Variants in SGCZ observed in about 807,000 individuals in gnomAD.
The protein encoded by SGCZ is zeta-sarcoglycan.
Under a neutral mutation model 41.3 loss-of-function variants are expected in SGCZ, and 40 were observed. The observed-to-expected ratio is 0.97, with a 90% CI of 0.75 to 1.26. The LOEUF is 1.26. Ranked by LOEUF, SGCZ falls within the 50% of genes most tolerant of loss-of-function variation. SGCZ has a pLI of 0.00. For synonymous variants in SGCZ, 206 were observed against 137.5 expected, an observed-to-expected ratio of 1.50 and a Z score of -3.49; for missense variants, 552 against 369.8, an observed-to-expected ratio of 1.49 and a Z score of -4.04.
chr8:14,996,735 A>T (rs1034685697), intron 1 of SGCZ, among the ~76,000 whole-genome samples: 3 of 152,194 alleles, frequency 2.0e-5, no homozygotes, highest in Non-Finnish European at 2.9e-5. Context: ...TCTCCTTCCA[A>T]GGTCTTGGTT....
intron 1 of SGCZ, among the ~76,000 whole-genome samples, chr8:14,812,897 C>T (rs2130542628): frequency 6.6e-6 from 1 of 152,276 alleles, no homozygotes; most frequent in East Asian, 1.9e-4. Context: ...TGAGAAAACT[C>T]TTCCTTTGAG....
At chr8:14,114,849 G>C (rs1239451972) in intron 5 of SGCZ, among the ~76,000 whole-genome samples, 1 of 151,734 alleles carries the variant, frequency 6.6e-6, no homozygotes, top group Non-Finnish European at 1.5e-5. Flanking sequence ...AGTTTTAGGA[G>C]GAAAAGCTCT....
chr8:14,908,780 G>T (rs1322765113), intron 1 of SGCZ, among the ~76,000 whole-genome samples: 1 of 147,406 alleles, frequency 6.8e-6, no homozygotes, highest in Non-Finnish European at 1.5e-5. Context: ...GAGATTCAGA[G>T]AACCTAATTC....
intron 2 of SGCZ, among the ~76,000 whole-genome samples, chr8:14,395,298 G>T (rs978618570): frequency 1.3e-5 from 2 of 152,050 alleles, no homozygotes; most frequent in African/African-American, 4.8e-5. Flanking sequence ...TACTATTGTG[G>T]TAATAAAGAA....
chr8:14,360,444 G>T lies in SGCZ; in HGVS notation c.235-36240C>A, dbSNP rs562018189. On this transcript the variant is annotated intron_variant, in intron 2 of 7. Coordinates refer to ENST00000382080, the MANE Select transcript of SGCZ (RefSeq NM_139167.4). ...AGGTTCAACTGATTCTCCTGCCTCA[G>T]CCTCCTGAGCAGCTGGGATTACAGG... 2.0e-5 allele frequency among the ~76,000 whole-genome samples: 3 copies of T among 151,774 alleles called. No homozygotes were observed. In the East Asian group the frequency reaches 5.8e-4, roughly 29 times the overall value.
chr8:14,396,752 G>C (rs1372935743), intron 2 of SGCZ, among the ~76,000 whole-genome samples: 2 of 151,950 alleles, frequency 1.3e-5, no homozygotes, highest in African/African-American at 4.8e-5. Context: ...CAGATGAATA[G>C]AGTTACGAGA....
In SGCZ at chr8:14,164,898, T is replaced by C. The variant is rs538906069; in HGVS notation, c.425-196A>G. 7.1e-5 allele frequency: 45 copies of C among 635,264 alleles called. 1 individual carries two copies. In the South Asian group the frequency reaches 8.8e-4, roughly 12 times the overall value. The allele number at this position is 635,264 out of a possible 1,614,324, so 39.4% of individuals were successfully genotyped here. On this transcript the variant is annotated intron_variant, in intron 4 of 7. Transcript: ENST00000382080. The stretch of plus-strand genomic sequence containing the variant: ...TTGGGAATGTACTTCTGTGCTAGGC[T>C]GGTTAGGCATACAGGTGACCTCTGG...
rs573659145 is a variant in SGCZ at position 14,295,781 on chromosome 8, T to G, written c.336+28322A>C. Among the ~76,000 whole-genome samples, 22 of 152,168 alleles carry G rather than the reference T, an allele frequency of 1.4e-4. No individual in the cohort carries two copies. The East Asian group carries it at 2.9e-3, about 20-fold the overall frequency. On this transcript the variant is annotated intron_variant, in intron 3 of 7. Transcript: ENST00000382080. ...GCCAAACACAGAGCAACCAATAGAT[T>G]GAATGAAAGAGAATTTGGTGTTGCT... is the stretch of plus-strand genomic sequence containing the variant.
chr8:14,369,056 T>TGTGTGTG (rs1585414825), intron 2 of SGCZ, among the ~76,000 whole-genome samples: 3 of 151,432 alleles, frequency 2.0e-5, no homozygotes, highest in Non-Finnish European at 3.0e-5. Context: ...TGTGTGTGTA[T>TGTGTGTG]TACATTTACC....
chr8:14,872,452 G>C (rs1585336925), intron 1 of SGCZ, among the ~76,000 whole-genome samples: 1 of 151,858 alleles, frequency 6.6e-6, no homozygotes, highest in East Asian at 1.9e-4. Flanking sequence ...AAAGTGTTTA[G>C]ACTCTTCTGA....
intron 4 of SGCZ, among the ~76,000 whole-genome samples, chr8:14,235,913 G>T (rs902247183): frequency 3.9e-5 from 6 of 152,232 alleles, no homozygotes; most frequent in East Asian, 3.9e-4. Context: ...TCGATTTCTT[G>T]ACCTCATGAT....
chr8:14,467,368 G>A (rs1171436643), intron 2 of SGCZ, among the ~76,000 whole-genome samples: 2 of 151,950 alleles, frequency 1.3e-5, no homozygotes, highest in African/African-American at 2.4e-5. Context: ...CAAAAACAAT[G>A]GCCATTGTCT....
At chr8:14,551,026 G>C (rs1449930397) in intron 2 of SGCZ, among the ~76,000 whole-genome samples, 1 of 151,598 alleles carries the variant, frequency 6.6e-6, no homozygotes, top group Non-Finnish European at 1.5e-5. Context: ...TTATTACCCA[G>C]GTCTGGGTAT....
At chr8:14,605,172 T>C (rs1020865648) in intron 1 of SGCZ, among the ~76,000 whole-genome samples, 1 of 152,146 alleles carries the variant, frequency 6.6e-6, no homozygotes, top group African/African-American at 2.4e-5. Flanking sequence ...CCTTGAAACG[T>C]AAAATTCAAA....
chr8:15,210,091 T>C (rs1311108983), intron 1 of SGCZ, among the ~76,000 whole-genome samples: 5 of 152,176 alleles, frequency 3.3e-5, no homozygotes, highest in African/African-American at 1.2e-4. Context: ...ATTTTATGAT[T>C]CTAAGAGGAC....
At chr8:14,440,852 TACACACAC>T (rs761003537) in intron 2 of SGCZ, among the ~76,000 whole-genome samples, 6 of 130,370 alleles carry the variant, frequency 4.6e-5, no homozygotes, top group African/African-American at 8.8e-5. Flanking sequence ...TACATATATG[TACACACAC>T]ACACACACAC....
intron 2 of SGCZ, among the ~76,000 whole-genome samples, chr8:14,332,924 C>CAT (rs34214171): frequency 0.2 from 30,007 of 148,632 alleles, 3,765 homozygotes; most frequent in Non-Finnish European, 0.29. Context: ...CATATATATA[C>CAT]ATATATATAC....
intron 1 of SGCZ, among the ~76,000 whole-genome samples, chr8:14,755,184 C>A (rs554010256): frequency 6.6e-6 from 1 of 151,764 alleles, no homozygotes; most frequent in Non-Finnish European, 1.5e-5. Context: ...AAAAATCTTT[C>A]TTTGGATGGA....
intron 1 of SGCZ, among the ~76,000 whole-genome samples, chr8:15,072,783 G>T (rs189242798): frequency 1.5e-3 from 231 of 152,230 alleles, no homozygotes; most frequent in African/African-American, 5.4e-3. Context: ...TTGGTGTAAT[G>T]GAGATGATTC....
Sources: allele counts gnomAD v4.1 joint callset (sites outside exome capture counted in the v4.1 genomes callset), GRCh38; gene constraint gnomAD v4.1.1; transcripts MANE v1.5; gene names NCBI Gene and HGNC (gene_info 2026-07-23, HGNC 2026-07-21).